PPP3CA: variants seen among roughly 807,000 people sequenced by gnomAD.
PPP3CA encodes protein phosphatase 3 catalytic subunit alpha.
Under a neutral mutation model 66.5 loss-of-function variants are expected in PPP3CA, and 14 were observed. That is an observed-to-expected ratio of 0.21 (90% CI 0.14 to 0.33). The LOEUF is 0.33. Ranked by LOEUF, PPP3CA falls within the 10% of genes least tolerant of loss-of-function variation. PPP3CA has a pLI of 1.00. For missense variants in PPP3CA, 317 were observed against 639.5 expected (o/e 0.50, Z 5.44); for synonymous variants, 232 against 226.2 (o/e 1.03, Z -0.23).
At chr4:101,093,590 A>G (rs1730056084) in intron 6 of PPP3CA, among the ~76,000 whole-genome samples, 186 bp downstream of exon 6, 1 of 152,218 alleles carries the variant, frequency 6.6e-6, no homozygotes, top group African/African-American at 2.4e-5. Context: ...ATATGTATAC[A>G]TATCTATTTC....
chr4:101,180,672 T>C (rs1258132320), intron 2 of PPP3CA, among the ~76,000 whole-genome samples: 2 of 152,034 alleles, frequency 1.3e-5, no homozygotes, highest in Non-Finnish European at 2.9e-5. Context: ...TACTGGGAAT[T>C]TGAGAGCTAC....
intron 2 of PPP3CA, among the ~76,000 whole-genome samples, chr4:101,171,933 C>T (rs568150247): frequency 6.6e-6 from 1 of 152,234 alleles, no homozygotes; most frequent in East Asian, 1.9e-4. Context: ...TGCATGACAG[C>T]ATTCAATAAA....
chr4:101,162,046 C>A (rs1192204093), intron 2 of PPP3CA, among the ~76,000 whole-genome samples: 1 of 152,126 alleles, frequency 6.6e-6, no homozygotes, highest in African/African-American at 2.4e-5. Context: ...TCGAAACCGG[C>A]CTGGCCAACA....
chr4:101,046,094 G>A lies in PPP3CA; in HGVS notation c.1157-5528C>T, dbSNP rs572334012. 2.0e-5 allele frequency among the ~76,000 whole-genome samples: 3 copies of A among 152,270 alleles called. No individual in the cohort carries two copies. The East Asian group carries it at 5.8e-4, about 29-fold the overall frequency. ...ACAGGGGAGGATGCATGAGCTTGCT[G>A]AAAAAGGCAATGAAGACTTCTCACT... On this transcript the variant is annotated intron_variant, in intron 10 of 13. Coordinates refer to ENST00000394854, the MANE Select transcript of PPP3CA (RefSeq NM_000944.5).
chr4:101,183,550 T>C (rs574152500), intron 2 of PPP3CA, among the ~76,000 whole-genome samples: 5 of 152,284 alleles, frequency 3.3e-5, no homozygotes, highest in South Asian at 2.1e-4. Context: ...CAATGTCCTC[T>C]AATGAAAACT....
At position 101,044,032 on chromosome 4, in the gene PPP3CA, A is replaced by C. The variant is rs1238417386; in HGVS notation, c.1157-3466T>G. On this transcript the variant is annotated intron_variant, in intron 10 of 13. Transcript: ENST00000394854. ...ATGTTTTATCCTGAAAAGTACCTTCAATCTTTTCCATATAATCAAAATCAA... is the reference window on the plus strand; with the variant it reads ...ATGTTTTATCCTGAAAAGTACCTTCCATCTTTTCCATATAATCAAAATCAA... Among the ~76,000 whole-genome samples, 9 of 152,238 alleles carry C rather than the reference A, an allele frequency of 5.9e-5. No individual in the cohort carries two copies. In the South Asian group the frequency reaches 1.9e-3, roughly 32 times the overall value.
chr4:101,181,518 T>C (rs1160795060), intron 2 of PPP3CA, among the ~76,000 whole-genome samples: 1 of 151,840 alleles, frequency 6.6e-6, no homozygotes, highest in Non-Finnish European at 1.5e-5. Flanking sequence ...AAAGTGGAGG[T>C]TCCTCTGTTA....
At chr4:101,113,583 A>C (rs1721746907) in intron 2 of PPP3CA, among the ~76,000 whole-genome samples, 1 of 152,124 alleles carries the variant, frequency 6.6e-6, no homozygotes, top group Non-Finnish European at 1.5e-5. Flanking sequence ...CATTGTATTT[A>C]TTGCTCAGGC....
rs567990691 is a variant in PPP3CA, at chr4:101,114,541, G to A, written c.260-5463C>T. ...GGGTCACTCAGCAGTTCTGAATATC[G>A]CTAATCTAAACAAACGGTGGCAAGA... On this transcript the variant is annotated intron_variant, in intron 2 of 13. Transcript: ENST00000394854. 1.7e-3 allele frequency among the ~76,000 whole-genome samples: 262 copies of A among 152,034 alleles called. 3 individuals are homozygous for A. In the South Asian group the frequency reaches 0.03, roughly 17 times the overall value.
At chr4:101,229,561 T>C (rs757821721) in intron 1 of PPP3CA, among the ~76,000 whole-genome samples, 3 of 151,632 alleles carry the variant, frequency 2.0e-5, no homozygotes, top group African/African-American at 4.8e-5. Context: ...ATTTATTCTT[T>C]GCAAAAGTAA....
rs141449224 is a variant in PPP3CA at position 101,243,223 on chromosome 4, C to T, written c.59-47107G>A. 8.6e-4 allele frequency among the ~76,000 whole-genome samples: 131 copies of T among 152,300 alleles called. No homozygotes were observed. The South Asian group carries it at 8.7e-3, about 10-fold the overall frequency. The stretch of plus-strand genomic sequence containing the variant: ...CACTGTCAATCTGTTTTAGGCAGCT[C>T]CCTGACTCCCATATACACCGTTTGT... On this transcript the variant is annotated intron_variant, in intron 1 of 13. Coordinates refer to ENST00000394854, the MANE Select transcript of PPP3CA (RefSeq NM_000944.5).
intron 1 of PPP3CA, among the ~76,000 whole-genome samples, chr4:101,301,403 C>T (rs1257095318): frequency 6.8e-6 from 1 of 146,890 alleles, no homozygotes; most frequent in Admixed American, 6.8e-5. Context: ...TGTTAACAAC[C>T]ATTATGTATA....
chr4:101,213,670 T>A (rs558771719), intron 1 of PPP3CA, among the ~76,000 whole-genome samples: 1 of 152,152 alleles, frequency 6.6e-6, no homozygotes, highest in Non-Finnish European at 1.5e-5. Context: ...AATAACCCTA[T>A]GTAATAGGTA....
At chr4:101,141,327 G>A (rs1222462790) in intron 2 of PPP3CA, among the ~76,000 whole-genome samples, 2 of 152,036 alleles carry the variant, frequency 1.3e-5, no homozygotes, top group South Asian at 2.1e-4. Context: ...TCCAGATCAC[G>A]CCACTGCATG....
At chr4:101,202,288 G>A (rs1724992964) in intron 1 of PPP3CA, among the ~76,000 whole-genome samples, 1 of 152,110 alleles carries the variant, frequency 6.6e-6, no homozygotes, top group South Asian at 2.1e-4. Flanking sequence ...ACATATGCCA[G>A]TTGAAGTATA....
intron 1 of PPP3CA, among the ~76,000 whole-genome samples, chr4:101,325,902 C>T (rs997766911): frequency 6.6e-6 from 1 of 152,100 alleles, no homozygotes; most frequent in Non-Finnish European, 1.5e-5. Context: ...CTTTGGGGGG[C>T]TGAGGTTAGG....
chr4:101,094,510 G>A (rs1730108331), intron 5 of PPP3CA, among the ~76,000 whole-genome samples: 1 of 151,928 alleles, frequency 6.6e-6, no homozygotes, highest in Non-Finnish European at 1.5e-5. Flanking sequence ...TTTCATTATG[G>A]GCTATCTAGG....
intron 1 of PPP3CA, chr4:101,330,486 C>T (rs752262934): frequency 2.2e-4 from 114 of 514,584 alleles, no homozygotes; most frequent in East Asian, 8.3e-4. Context: ...ATTAGCACAA[C>T]GGTTATGTAT....
At chr4:101,029,137 T>C (rs907065483) in intron 13 of PPP3CA, 29 bp downstream of exon 13, 1 of 1,566,158 alleles carries the variant, frequency 6.4e-7, no homozygotes, top group African/African-American at 1.4e-5. Context: ...CTGTTGCAGG[T>C]ACAACAGAAA....
Sources: allele counts gnomAD v4.1 joint callset (sites outside exome capture counted in the v4.1 genomes callset), GRCh38; gene constraint gnomAD v4.1.1; transcripts MANE v1.5; gene names NCBI Gene and HGNC (gene_info 2026-07-23, HGNC 2026-07-21).